Variants in FAAH2 observed in about 807,000 individuals in gnomAD.
FAAH2 encodes the protein fatty acid amide hydrolase 2, also known as fatty-acid amide hydrolase 2.
In FAAH2, 60 loss-of-function variants were observed where a neutral mutation model predicts 36.9. That is an observed-to-expected ratio of 1.63 (90% CI 1.32 to 2.02). FAAH2 has a LOEUF of 2.02. Ranked by LOEUF, FAAH2 falls within the 30% of genes most tolerant of loss-of-function variation. FAAH2 has a pLI of 0.00. For missense variants in FAAH2, 689 were observed against 397.5 expected (o/e 1.73, Z -6.23); for synonymous variants, 214 against 143.8 (o/e 1.49, Z -3.49).
At chrX:57,257,236 T>C in the FAAH2 span, among the ~76,000 whole-genome samples, 8,438 of 111,881 alleles carry the variant, frequency 0.075, 789 homozygotes, top group African/African-American at 0.26. Flanking sequence ...TAAAGACACA[T>C]GCACATGTAT....
chrX:57,224,858 C>A, the FAAH2 span, among the ~76,000 whole-genome samples: 2 of 112,018 alleles, frequency 1.8e-5, no homozygotes, highest in Non-Finnish European at 1.9e-5. Context: ...GATACAAGAA[C>A]CTTACACTAG....
At chrX:57,411,210 C>G (rs2055691966) in intron 7 of FAAH2, among the ~76,000 whole-genome samples, 1 of 112,062 alleles carries the variant, frequency 8.9e-6, no homozygotes, top group African/African-American at 3.2e-5. Flanking sequence ...TACCTTCTCT[C>G]TATGCTGCAA....
intron 10 of FAAH2, among the ~76,000 whole-genome samples, chrX:57,477,194 A>G (rs1171047143): frequency 1.8e-5 from 2 of 110,044 alleles, no homozygotes; most frequent in East Asian, 2.8e-4. Flanking sequence ...TCATGTCTCA[A>G]TCTCTTTCAG....
At chrX:57,445,162 G>T (rs748002975) in intron 8 of FAAH2, among the ~76,000 whole-genome samples, 10 of 111,899 alleles carry the variant, frequency 8.9e-5, no homozygotes, top group African/African-American at 3.2e-4. Flanking sequence ...AGGATTGAGT[G>T]TTGTCCTGTA....
chrX:57,432,508 T>A (rs1569341255), intron 8 of FAAH2, among the ~76,000 whole-genome samples: 1 of 111,740 alleles, frequency 8.9e-6, no homozygotes, highest in Non-Finnish European at 1.9e-5. Context: ...CTGAGATGTT[T>A]TAAAAATACA....
At chrX:57,286,104 G>A (rs1277926573), upstream of FAAH2, among the ~76,000 whole-genome samples, 4 of 111,745 alleles carry the variant, frequency 3.6e-5, no homozygotes, top group South Asian at 1.1e-3. Flanking sequence ...TTTTGGACTT[G>A]TTGAGTTTGA....
At chrX:57,221,889 A>G in the FAAH2 span, among the ~76,000 whole-genome samples, 11 of 110,453 alleles carry the variant, frequency 1.0e-4, no homozygotes, top group African/African-American at 3.6e-4. Context: ...GCCCTTGCTC[A>G]TGACCTCTGT....
chrX:57,276,445 G>A, the FAAH2 span, among the ~76,000 whole-genome samples: 1 of 111,820 alleles, frequency 8.9e-6, no homozygotes, highest in African/African-American at 3.3e-5. Flanking sequence ...GAAATTTATA[G>A]CACTAAATGC....
the FAAH2 span, among the ~76,000 whole-genome samples, chrX:57,222,489 G>T: frequency 8.9e-6 from 1 of 111,863 alleles, no homozygotes; most frequent in Non-Finnish European, 1.9e-5. Context: ...ACCATTCTCC[G>T]ATGGCCTGCC....
intron 2 of FAAH2, among the ~76,000 whole-genome samples, chrX:57,303,981 C>A (rs1372227316): frequency 3.6e-5 from 4 of 111,154 alleles, no homozygotes; most frequent in Non-Finnish European, 7.5e-5. Context: ...CTGAGGCGGG[C>A]AGATTACCTG....
the FAAH2 span, among the ~76,000 whole-genome samples, chrX:57,197,446 G>T: frequency 9.0e-6 from 1 of 111,053 alleles, no homozygotes; most frequent in South Asian, 3.8e-4. Context: ...TAAAGAACTT[G>T]CTTTGTCATA....
the FAAH2 span, among the ~76,000 whole-genome samples, chrX:57,127,728 C>A: frequency 9.0e-6 from 1 of 111,156 alleles, no homozygotes; most frequent in African/African-American, 3.3e-5. Flanking sequence ...TCCTTTTTCT[C>A]CTTGCCACCT....
chrX:57,440,834 GC>G (rs1306949099), intron 8 of FAAH2, among the ~76,000 whole-genome samples: 1 of 111,543 alleles, frequency 9.0e-6, no homozygotes. Context: ...TTTGTCAATG[GC>G]CTTTTCTGCA....
intron 3 of FAAH2, among the ~76,000 whole-genome samples, chrX:57,330,994 G>C (rs1376502532): frequency 9.1e-6 from 1 of 110,481 alleles, no homozygotes; most frequent in East Asian, 2.9e-4. Flanking sequence ...CAGAATGAGG[G>C]GTGCTCAGAT....
the FAAH2 span, among the ~76,000 whole-genome samples, chrX:57,202,831 G>T: frequency 9.0e-6 from 1 of 111,729 alleles, no homozygotes; most frequent in Non-Finnish European, 1.9e-5. Context: ...TACTGTGGCT[G>T]GGCTGGCACT....
chrX:57,225,913 C>T, the FAAH2 span, among the ~76,000 whole-genome samples: 3 of 111,967 alleles, frequency 2.7e-5, no homozygotes, highest in Admixed American at 2.8e-4. Flanking sequence ...GTCTTTTAAC[C>T]ACTGTTGCTT....
chrX:57,235,847 T>C, the FAAH2 span, among the ~76,000 whole-genome samples: 1 of 109,266 alleles, frequency 9.2e-6, no homozygotes, highest in Non-Finnish European at 1.9e-5. Flanking sequence ...TTTGTGAAGA[T>C]AACTTTCAAG....
At chrX:57,218,814 G>T in the FAAH2 span, among the ~76,000 whole-genome samples, 1 of 111,873 alleles carries the variant, frequency 8.9e-6, no homozygotes, top group African/African-American at 3.2e-5. Context: ...ATTCTGCTGT[G>T]AATCTGTTTG....
rs185142489 is a variant in FAAH2 at position 57,313,425 on chromosome X, G to A, written c.412+2696G>A. On this transcript the variant is annotated intron_variant, in intron 3 of 10. Transcript: ENST00000374900. ...TACTATATAAGATGACCATCCCCAAGGAACATAGTAATCAGATTCACCAAG... is the reference window on the plus strand; with the variant it reads ...TACTATATAAGATGACCATCCCCAAAGAACATAGTAATCAGATTCACCAAG... Among the ~76,000 whole-genome samples the A allele has an allele frequency of 6.0e-3, 637 of 106,035 alleles. 3 individuals carry two copies. The highest frequency in any genetic ancestry group is 9.4e-3 in the Non-Finnish European group (480 of 51,244). The allele number at this position is 106,035 out of a possible 115,157, so 92.1% of individuals were successfully genotyped here.
Sources: allele counts gnomAD v4.1 joint callset (sites outside exome capture counted in the v4.1 genomes callset), GRCh38; gene constraint gnomAD v4.1.1; transcripts MANE v1.5; gene names NCBI Gene and HGNC (gene_info 2026-07-23, HGNC 2026-07-21).